ANKRD29: variants seen among roughly 807,000 people sequenced by gnomAD.
ANKRD29 encodes the protein ankyrin repeat domain-containing protein 29.
A neutral mutation model predicts 38.0 loss-of-function variants in ANKRD29; 32 were observed. The ratio of observed to expected loss-of-function variants is 0.84; its 90% CI spans 0.64 to 1.13. ANKRD29 has a LOEUF of 1.13. Ranked by LOEUF, ANKRD29 falls within the 50% of genes most tolerant of loss-of-function variation. ANKRD29 has a pLI of 0.00. For missense variants in ANKRD29, 357 were observed against 377.9 expected (o/e 0.94, Z 0.46); for synonymous variants, 135 against 152.4 (o/e 0.89, Z 0.84).
rs941624961 is a variant in ANKRD29, at chr18:23,599,958, C to T, written c.*1268G>A. 4 of 152,152 alleles carry T rather than the reference C, an allele frequency of 2.6e-5. No homozygotes were observed. Among genetic ancestry groups the T allele is most frequent in the African/African-American group, 9.7e-5 (4 of 41,446 alleles). 9.4% of individuals were successfully genotyped at this position (152,152 alleles called of 1,614,324 possible). On this transcript the variant is annotated 3_prime_UTR_variant, in exon 10 of 10. Transcript: ENST00000592179. The stretch of plus-strand genomic sequence containing the variant: ...ACATTTTCCTCTAAAAGTGTCTTTA[C>T]ATAGACACTGACTGAAAACCAGAGC...
At chr18:23,658,070 T>G (rs2060307649) in intron 1 of ANKRD29, among the ~76,000 whole-genome samples, 1 of 152,212 alleles carries the variant, frequency 6.6e-6, no homozygotes, top group African/African-American at 2.4e-5. Context: ...TGGAAACATG[T>G]ATATCCTATG....
At chr18:23,661,136 ATCT>A (rs1169066919) in intron 1 of ANKRD29, among the ~76,000 whole-genome samples, 1 of 152,102 alleles carries the variant, frequency 6.6e-6, no homozygotes, top group African/African-American at 2.4e-5. Context: ...TCTTTCTCAA[ATCT>A]TCTTCAAGAT....
intron 1 of ANKRD29, among the ~76,000 whole-genome samples, chr18:23,649,726 T>G (rs533656784): frequency 6.6e-6 from 1 of 151,996 alleles, no homozygotes; most frequent in African/African-American, 2.4e-5. Context: ...AATTTTCTTT[T>G]TTTGTTTGTT....
chr18:23,621,851 C>CT (rs2059801282), intron 6 of ANKRD29, among the ~76,000 whole-genome samples: 1 of 151,224 alleles, frequency 6.6e-6, no homozygotes, highest in East Asian at 1.9e-4. Context: ...ATTTTTTTTT[C>CT]TTTTTTTCTT....
rs2059652812 is a variant in ANKRD29 at position 23,612,250 on chromosome 18, G to C, written c.724-60C>G. The C allele has an allele frequency of 1.7e-5, 25 of 1,451,858 alleles. No individual in the cohort carries two copies. The Middle Eastern group carries it at 2.3e-3, about 133-fold the overall frequency. 89.9% of individuals were successfully genotyped at this position (1,451,858 alleles called of 1,614,324 possible). A position where few individuals can be genotyped will look rare whatever the true frequency, so the allele number is the denominator to read the frequency against. On this transcript the variant is annotated intron_variant, in intron 8 of 9. Transcript: ENST00000592179. ...CTCACAGCCATTGGCATTCAGCATG[G>C]CTTTCATCATAAACCATCTGGGTGA... is the stretch of plus-strand genomic sequence containing the variant.
chr18:23,606,490 T>C (rs564169789), intron 9 of ANKRD29, among the ~76,000 whole-genome samples: 1 of 152,272 alleles, frequency 6.6e-6, no homozygotes, highest in African/African-American at 2.4e-5. Flanking sequence ...TTTATTTCTT[T>C]TGTAGAGAGG....
Position 23,649,202 on chromosome 18 carries a change from A to G in ANKRD29, c.22-9T>C. ...GCAAGTGGAGTTTCCTTCTGCAAGAACAAAATGAAACAGGATCTTAAAATT... is the reference window on the plus strand; with the variant it reads ...GCAAGTGGAGTTTCCTTCTGCAAGAGCAAAATGAAACAGGATCTTAAAATT... On this transcript the variant is annotated splice_polypyrimidine_tract_variant and intron_variant, in intron 1 of 9. Coordinates refer to ENST00000592179, the MANE Select transcript of ANKRD29 (RefSeq NM_173505.4). 1 of 1,602,118 alleles carries G rather than the reference A, an allele frequency of 6.2e-7. No individual in the cohort carries two copies. Among genetic ancestry groups the G allele is most frequent in the African/African-American group, 1.3e-5 (1 of 74,686 alleles).
intron 3 of ANKRD29, among the ~76,000 whole-genome samples, chr18:23,642,680 C>A (rs990833006): frequency 2.0e-5 from 3 of 152,182 alleles, no homozygotes; most frequent in Admixed American, 6.5e-5. Flanking sequence ...CAAAGTGACA[C>A]CCTAAGGATC....
At chr18:23,649,645 G>A (rs1164710658) in intron 1 of ANKRD29, 10 of 446,440 alleles carry the variant, frequency 2.2e-5, no homozygotes, top group Non-Finnish European at 4.0e-5. Context: ...TTACCTGCCC[G>A]TTTCCTAAGC....
intron 8 of ANKRD29, among the ~76,000 whole-genome samples, chr18:23,615,605 T>C (rs1486079668): frequency 2.0e-5 from 3 of 151,454 alleles, no homozygotes; most frequent in African/African-American, 4.9e-5. Context: ...GGAGATGGAG[T>C]CTAGCTATGT....
At chr18:23,655,313 C>A (rs2060265053) in intron 1 of ANKRD29, among the ~76,000 whole-genome samples, 1 of 151,984 alleles carries the variant, frequency 6.6e-6, no homozygotes. Flanking sequence ...GATTAACCAG[C>A]ATTAATATTA....
intron 4 of ANKRD29, among the ~76,000 whole-genome samples, chr18:23,637,747 G>A (rs1323606608): frequency 2.0e-5 from 3 of 152,024 alleles, no homozygotes; most frequent in Non-Finnish European, 4.4e-5. Context: ...AAACTCCCTT[G>A]ATATCTAAAT....
intron 4 of ANKRD29, among the ~76,000 whole-genome samples, chr18:23,638,478 G>C (rs1568036155): frequency 6.6e-6 from 1 of 152,066 alleles, no homozygotes; most frequent in Non-Finnish European, 1.5e-5. Context: ...TCCTATCATA[G>C]TATCAGAATT....
chr18:23,657,793 T>C (rs2060304138), intron 1 of ANKRD29, among the ~76,000 whole-genome samples: 1 of 152,196 alleles, frequency 6.6e-6, no homozygotes, highest in Non-Finnish European at 1.5e-5. Flanking sequence ...GATAGTCCAT[T>C]GTACAGATTA....
At chr18:23,612,796 T>A (rs984369938) in intron 8 of ANKRD29, among the ~76,000 whole-genome samples, 2 of 152,150 alleles carry the variant, frequency 1.3e-5, no homozygotes, top group Non-Finnish European at 2.9e-5. Context: ...TTTTATGACA[T>A]TTACTGCAAA....
chr18:23,641,825 A>C (rs1392388724), intron 3 of ANKRD29, among the ~76,000 whole-genome samples: 2 of 152,238 alleles, frequency 1.3e-5, no homozygotes, highest in East Asian at 3.9e-4. Context: ...AGAGCAGGAC[A>C]CAGAGGTCAG....
chr18:23,655,400 A>T (rs2145738244), intron 1 of ANKRD29, among the ~76,000 whole-genome samples: 1 of 152,288 alleles, frequency 6.6e-6, no homozygotes, highest in Admixed American at 6.5e-5. Flanking sequence ...GGGGTATAGT[A>T]TCATATGACA....
intron 2 of ANKRD29, chr18:23,647,107 G>C (rs555604204): frequency 1.3e-5 from 2 of 152,210 alleles, no homozygotes; most frequent in African/African-American, 2.4e-5. Flanking sequence ...TTAGGTATAG[G>C]GTAATTAAGT....
intron 5 of ANKRD29, among the ~76,000 whole-genome samples, chr18:23,630,466 C>A (rs1259648234): frequency 6.6e-6 from 1 of 151,354 alleles, no homozygotes; most frequent in Admixed American, 6.6e-5. Context: ...AATAAAAATA[C>A]AAAAATTAGC....
Sources: allele counts gnomAD v4.1 joint callset (sites outside exome capture counted in the v4.1 genomes callset), GRCh38; gene constraint gnomAD v4.1.1; transcripts MANE v1.5; gene names NCBI Gene and HGNC (gene_info 2026-07-23, HGNC 2026-07-21).